Variants in STARD13 observed in about 807,000 individuals in gnomAD.
STARD13 encodes StAR related lipid transfer domain containing 13.
A neutral mutation model predicts 106.4 loss-of-function variants in STARD13; 62 were observed. The ratio of observed to expected loss-of-function variants is 0.58; its 90% CI spans 0.48 to 0.72. STARD13 has a LOEUF of 0.72. Among genes scored for constraint, STARD13 ranks in the 30% least tolerant of loss-of-function variants. The probability of loss-of-function intolerance (pLI) is 0.00; values close to 1 mark genes in which losing one functional copy is unlikely to be tolerated. For synonymous variants in STARD13, 565 were observed against 553.0 expected (o/e 1.02, Z -0.31); for missense variants, 1,387 against 1,424.0 (o/e 0.97, Z 0.42).
intron 1 of STARD13, among the ~76,000 whole-genome samples, chr13:33,247,536 C>T (rs1252957379): frequency 2.0e-5 from 3 of 151,750 alleles, no homozygotes; most frequent in East Asian, 1.9e-4. Context: ...GCCTAATATA[C>T]GTTATATTAG....
At position 33,162,380 on chromosome 13, in the gene STARD13, G is replaced by T. The variant is rs146014084; in HGVS notation, c.323+2957C>A. The stretch of plus-strand genomic sequence containing the variant: ...ATGTCCTGGAGACATTTTCCCCATT[G>T]TCTTGGGGATTACCATTTGGCTCCT... On this transcript the variant is annotated intron_variant, in intron 3 of 13. Coordinates refer to ENST00000336934, the MANE Select transcript of STARD13 (RefSeq NM_178006.4). Among the ~76,000 whole-genome samples, 503 of 152,314 alleles carry T rather than the reference G, an allele frequency of 3.3e-3. 2 individuals are homozygous for T. The highest frequency in any genetic ancestry group is 0.011 in the African/African-American group (472 of 41,560).
At chr13:33,639,247 A>C in the STARD13 span, among the ~76,000 whole-genome samples, 1 of 152,186 alleles carries the variant, frequency 6.6e-6, no homozygotes. Flanking sequence ...AGGCCTCTCA[A>C]GAAGAATTAG....
the STARD13 span, among the ~76,000 whole-genome samples, chr13:33,461,607 A>G: frequency 8.1e-4 from 123 of 152,264 alleles, 1 homozygote; most frequent in Non-Finnish European, 1.6e-3. Flanking sequence ...TATTATTTAT[A>G]CTTGTTAGTT....
intron 7 of STARD13, among the ~76,000 whole-genome samples, chr13:33,119,029 G>A (rs1875838636): frequency 6.6e-6 from 1 of 151,852 alleles, no homozygotes. Context: ...CCTACTTGAT[G>A]AATAAATGGA....
the STARD13 span, among the ~76,000 whole-genome samples, chr13:33,662,267 A>C: frequency 6.6e-6 from 1 of 152,072 alleles, no homozygotes; most frequent in Non-Finnish European, 1.5e-5. Context: ...GTCTCAAAAA[A>C]AAAAAAAAAG....
the STARD13 span, among the ~76,000 whole-genome samples, chr13:33,382,181 G>C: frequency 6.6e-6 from 1 of 152,160 alleles, no homozygotes; most frequent in Non-Finnish European, 1.5e-5. Flanking sequence ...TGTTCTGTTG[G>C]GTAACTTCAG....
intron 1 of STARD13, among the ~76,000 whole-genome samples, chr13:33,228,692 CCA>C (rs1474818756): frequency 2.0e-5 from 3 of 152,216 alleles, no homozygotes; most frequent in East Asian, 3.8e-4. Context: ...ATGGGTCACA[CCA>C]CAGTTTTACA....
At chr13:33,370,890 A>C in the STARD13 span, among the ~76,000 whole-genome samples, 1 of 151,882 alleles carries the variant, frequency 6.6e-6, no homozygotes, top group Non-Finnish European at 1.5e-5. Flanking sequence ...CAAAGTGCTG[A>C]GATTACAGGT....
intron 1 of STARD13, among the ~76,000 whole-genome samples, chr13:33,181,604 A>G (rs1885241729): frequency 6.6e-6 from 1 of 152,232 alleles, no homozygotes; most frequent in Admixed American, 6.5e-5. Flanking sequence ...TGTTGTACAT[A>G]TGGGAAAATG....
chr13:33,503,345 T>C, the STARD13 span, among the ~76,000 whole-genome samples: 4 of 152,190 alleles, frequency 2.6e-5, no homozygotes, highest in Non-Finnish European at 4.4e-5. Context: ...CCTGGATTCA[T>C]TGATTTTTTG....
intron 1 of STARD13, among the ~76,000 whole-genome samples, chr13:33,324,758 A>T (rs984703820): frequency 2.0e-5 from 3 of 152,210 alleles, no homozygotes; most frequent in Admixed American, 1.3e-4. Context: ...ATCCCAAATC[A>T]AGAAAACCAC....
the STARD13 span, among the ~76,000 whole-genome samples, chr13:33,500,106 C>A: frequency 6.6e-6 from 1 of 152,120 alleles, no homozygotes; most frequent in South Asian, 2.1e-4. Flanking sequence ...CCTCAAGACT[C>A]TACCTTAATT....
chr13:33,669,173 A>G, the STARD13 span, among the ~76,000 whole-genome samples: 1 of 152,190 alleles, frequency 6.6e-6, no homozygotes, highest in South Asian at 2.1e-4. Context: ...GCAGAATAGG[A>G]CTAAAGACTC....
chr13:33,666,303 G>GT, the STARD13 span, among the ~76,000 whole-genome samples: 212 of 151,792 alleles, frequency 1.4e-3, no homozygotes, highest in Non-Finnish European at 2.5e-3. Context: ...GTTGTTTTTG[G>GT]TTTTTTTTGA....
At chr13:33,647,154 G>T in the STARD13 span, among the ~76,000 whole-genome samples, 2 of 152,136 alleles carry the variant, frequency 1.3e-5, no homozygotes, top group African/African-American at 2.4e-5. Flanking sequence ...GTTTAAAAGG[G>T]CCCTGCCTGT....
At chr13:33,548,628 T>A in the STARD13 span, among the ~76,000 whole-genome samples, 97 of 152,220 alleles carry the variant, frequency 6.4e-4, 1 homozygote, top group Middle Eastern at 3.4e-3. Context: ...TGATTTTTTT[T>A]AAAAAAATAT....
At chr13:33,520,943 C>T in the STARD13 span, among the ~76,000 whole-genome samples, 1 of 152,120 alleles carries the variant, frequency 6.6e-6, no homozygotes, top group Non-Finnish European at 1.5e-5. Context: ...CCAGATATTC[C>T]TTCATTCTTA....
At position 33,271,747 on chromosome 13, in the gene STARD13, G is replaced by A. The variant is rs138347779; in HGVS notation, c.169+13723C>T. 4.2e-3 allele frequency among the ~76,000 whole-genome samples: 640 copies of A among 152,022 alleles called. 5 individuals are homozygous for A. The highest frequency in any genetic ancestry group is 0.015 in the African/African-American group (622 of 41,434). On this transcript the variant is annotated intron_variant, in intron 1 of 13. Coordinates refer to ENST00000336934, the MANE Select transcript of STARD13 (RefSeq NM_178006.4). Reference sequence around the variant, plus strand: ...GGCTTTGCTGCTGGTGGCACAATGAGGTCCTCCAGCAACATGAGGGGTTGG... The same window carrying A: ...GGCTTTGCTGCTGGTGGCACAATGAAGTCCTCCAGCAACATGAGGGGTTGG...
At chr13:33,525,793 G>T in the STARD13 span, among the ~76,000 whole-genome samples, 12 of 152,252 alleles carry the variant, frequency 7.9e-5, no homozygotes, top group African/African-American at 2.6e-4. Flanking sequence ...GATTATCAGA[G>T]GTTGTTTTTG....
Sources: allele counts gnomAD v4.1 joint callset (sites outside exome capture counted in the v4.1 genomes callset), GRCh38; gene constraint gnomAD v4.1.1; transcripts MANE v1.5; gene names NCBI Gene and HGNC (gene_info 2026-07-23, HGNC 2026-07-21).